XPO7: variants seen among roughly 807,000 people sequenced by gnomAD.
XPO7 encodes exportin-7.
A neutral mutation model predicts 144.3 loss-of-function variants in XPO7; 21 were observed. The observed-to-expected ratio is 0.15, with a 90% CI of 0.10 to 0.21. The LOEUF is 0.21. Among genes scored for constraint, XPO7 ranks in the 10% least tolerant of loss-of-function variants. XPO7 has a pLI of 1.00. For synonymous variants in XPO7, 580 were observed against 499.6 expected (o/e 1.16, Z -2.15); for missense variants, 808 against 1,325.8 (o/e 0.61, Z 6.06).
At chr8:22,004,926 A>G (rs1813274507) in intron 27 of XPO7, 69 bp from the exon 28 acceptor site, 1 of 788,122 alleles carries the variant, frequency 1.3e-6, no homozygotes, top group Non-Finnish European at 1.9e-6. Context: ...CTTTAAAAAA[A>G]AAAAAAAAAA....
rs1026884357 is a variant in XPO7 at position 21,984,796 on chromosome 8, A to G, written c.1428A>G (p.Leu476=). ...CGGCCCAGTCGTACCAGGAGCTGCT[A>G]CAGAGCGCCAGCGCAAGCCCAATGG... is the stretch of plus-strand genomic sequence containing the variant. ...DQSAQSYQEL[L]QSASASPMDI... The change falls in exon 12 of 28, where the codon CTA becomes CTG. Residue 476 remains leucine, a synonymous_variant. Transcript: ENST00000252512. The G allele has an allele frequency of 6.2e-7, 1 of 1,613,992 alleles. No individual in the cohort carries two copies. The highest frequency in any genetic ancestry group is 8.5e-7 in the Non-Finnish European group (1 of 1,179,902).
chr8:21,984,284 A>C (rs771200999), intron 11 of XPO7, among the ~76,000 whole-genome samples: 2 of 152,148 alleles, frequency 1.3e-5, no homozygotes, highest in Non-Finnish European at 2.9e-5. Context: ...CCCACACAGG[A>C]CTGTGTACTT....
chr8:21,948,161 A>C (rs1811252427), intron 1 of XPO7, among the ~76,000 whole-genome samples: 1 of 152,246 alleles, frequency 6.6e-6, no homozygotes, highest in African/African-American at 2.4e-5. Context: ...AGCAGAGCGC[A>C]GATTTCACAA....
Position 21,991,959 on chromosome 8 carries a change from C to T in XPO7, c.2133C>T (p.Asn711=), listed in dbSNP as rs758217512. ...AGATGTTTAGCACCAATAGTTTCAA[C>T]GAGCAGGAGGCAAAGGTGAGTGAGT... The part of the protein sequence containing the change: ...VAQMFSTNSF[N]EQEAKRTLVG... The change falls in exon 19 of 28, where the codon AAC becomes AAT. Residue 711 remains asparagine (N), a synonymous_variant. Transcript: ENST00000252512. 17 of 1,613,114 alleles carry T rather than the reference C, an allele frequency of 1.1e-5. No homozygotes were observed. The East Asian group carries it at 1.1e-4, about 11-fold the overall frequency.
intron 5 of XPO7, 93 bp downstream of exon 5, chr8:21,972,034 G>T: frequency 2.4e-6 from 3 of 1,258,626 alleles, no homozygotes; most frequent in Admixed American, 3.5e-5. Context: ...TTTTTTGGCA[G>T]TTGTGTGCTT....
At chr8:21,958,348 G>C (rs1363957240) in intron 1 of XPO7, among the ~76,000 whole-genome samples, 1 of 152,006 alleles carries the variant, frequency 6.6e-6, no homozygotes, top group Non-Finnish European at 1.5e-5. Flanking sequence ...CGTCAAACAA[G>C]CAATATGTAA....
At chr8:21,947,396 TAAAG>T (rs1473425116) in intron 1 of XPO7, among the ~76,000 whole-genome samples, 4 of 151,908 alleles carry the variant, frequency 2.6e-5, no homozygotes, top group Non-Finnish European at 5.9e-5. Context: ...AAATACAACA[TAAAG>T]GAAGAAGGGA....
rs759792645 is a variant in XPO7, at chr8:21,976,481, C to T, written c.723C>T (p.Asp241=). The change falls in exon 7 of 28, where the codon GAC becomes GAT. Residue 241 remains aspartate, a synonymous_variant. Coordinates refer to ENST00000252512, the MANE Select transcript of XPO7 (RefSeq NM_015024.5). ...FIGTSTDESS[D]DLCTVQIPTS... ...GCACTTCCACTGATGAGTCCTCAGA[C>T]GACCTGTGTACAGTGCAGATTCCCA... The T allele has an allele frequency of 5.6e-6, 9 of 1,613,806 alleles. No individual in the cohort carries two copies. Among genetic ancestry groups the T allele is most frequent in the East Asian group, 4.5e-5 (2 of 44,900 alleles).
At chr8:21,932,688 T>C (rs1810690792) in intron 1 of XPO7, among the ~76,000 whole-genome samples, 1 of 152,230 alleles carries the variant, frequency 6.6e-6, no homozygotes, top group Admixed American at 6.5e-5. Context: ...ATTTCTTATC[T>C]CTTCTTTTAT....
At chr8:21,991,367 T>G (rs1812766976) in intron 18 of XPO7, among the ~76,000 whole-genome samples, 1 of 152,210 alleles carries the variant, frequency 6.6e-6, no homozygotes, top group Non-Finnish European at 1.5e-5. Flanking sequence ...TTCAGGTCAG[T>G]TAATAACTAA....
Position 21,966,904 on chromosome 8 carries a change from A to G in XPO7, c.66A>G (p.Thr22=). The G allele has an allele frequency of 1.9e-6, 3 of 1,613,986 alleles. No individual in the cohort carries two copies. The highest frequency in any genetic ancestry group is 2.5e-6 in the Non-Finnish European group (3 of 1,179,856). ...TGTGCAAACAGCTGTATGAAACCAC[A>G]GACACAACCACTCGACTCCAGGCAG... is the stretch of plus-strand genomic sequence containing the variant. The part of the protein sequence containing the change: ...ENLCKQLYET[T]DTTTRLQAEK... Residue 22 remains threonine, a synonymous_variant, in exon 2 of 28, where the codon ACA becomes ACG. Coordinates refer to ENST00000252512, the MANE Select transcript of XPO7 (RefSeq NM_015024.5).
intron 1 of XPO7, among the ~76,000 whole-genome samples, chr8:21,925,287 A>T (rs1257411699): frequency 1.3e-5 from 2 of 152,228 alleles, no homozygotes; most frequent in African/African-American, 4.8e-5. Flanking sequence ...ACCCCTTCGC[A>T]CATGTGTGCA....
chr8:21,966,188 G>A, intron 1 of XPO7: 1 of 706,470 alleles, frequency 1.4e-6, no homozygotes, highest in Non-Finnish European at 2.6e-6. Flanking sequence ...TTATCTGTGA[G>A]TGAGCATATG....
At chr8:21,965,320 C>T (rs1296904468) in intron 1 of XPO7, among the ~76,000 whole-genome samples, 1 of 151,960 alleles carries the variant, frequency 6.6e-6, no homozygotes, top group Non-Finnish European at 1.5e-5. Context: ...ATGGCTTTTG[C>T]ATGTATTTTA....
chr8:21,980,554 T>C (rs931968863), intron 9 of XPO7, among the ~76,000 whole-genome samples: 74 of 152,232 alleles, frequency 4.9e-4, no homozygotes, highest in African/African-American at 1.7e-3. Flanking sequence ...GGCAGATCAC[T>C]TGAGGTCAGG....
chr8:21,931,607 T>G (rs1055543007), intron 1 of XPO7, among the ~76,000 whole-genome samples: 3 of 152,200 alleles, frequency 2.0e-5, no homozygotes, highest in African/African-American at 7.2e-5. Context: ...TGCATTTAAT[T>G]TATTGGCATG....
At chr8:21,964,853 G>C (rs142030193) in intron 1 of XPO7, among the ~76,000 whole-genome samples, 7 of 152,232 alleles carry the variant, frequency 4.6e-5, no homozygotes, top group African/African-American at 1.7e-4. Flanking sequence ...ACATTGTCAT[G>C]TGAACAACTT....
At chr8:21,991,637 G>A in intron 18 of XPO7, 1 of 387,734 alleles carries the variant, frequency 2.6e-6, no homozygotes, top group East Asian at 4.6e-5. Flanking sequence ...CTGTGGCTCA[G>A]CATCAACAAA....
intron 5 of XPO7, among the ~76,000 whole-genome samples, chr8:21,972,951 A>G (rs945000399): frequency 6.6e-6 from 1 of 152,238 alleles, no homozygotes; most frequent in Non-Finnish European, 1.5e-5. Flanking sequence ...AAATAATAAC[A>G]GCTTACACTT....
Sources: allele counts gnomAD v4.1 joint callset (sites outside exome capture counted in the v4.1 genomes callset), GRCh38; gene constraint gnomAD v4.1.1; transcripts MANE v1.5; gene names NCBI Gene and HGNC (gene_info 2026-07-23, HGNC 2026-07-21).